TSC2: variants seen among roughly 807,000 people sequenced by gnomAD.
TSC2 encodes the protein tuberin.
In TSC2, 29 loss-of-function variants were observed where a neutral mutation model predicts 202.2. That is an observed-to-expected ratio of 0.14 (90% CI 0.11 to 0.20). The LOEUF (loss-of-function observed/expected upper bound fraction) is 0.20. Ranked by LOEUF, TSC2 falls within the 10% of genes least tolerant of loss-of-function variation. TSC2 has a pLI of 1.00. For missense variants in TSC2, 2,429 were observed against 2,420.0 expected, an observed-to-expected ratio of 1.00 and a Z score of -0.08; for synonymous variants, 1,349 against 1,044.0, an observed-to-expected ratio of 1.29 and a Z score of -5.63.
intron 16 of TSC2, among the ~76,000 whole-genome samples, chr16:2,068,157 A>G (rs1303147407): frequency 6.6e-6 from 1 of 152,182 alleles, no homozygotes; most frequent in Non-Finnish European, 1.5e-5. Context: ...CTCTTGCCTC[A>G]GCCTCCTGAG....
chr16:2,079,783 C>A lies in TSC2; in HGVS notation c.3397+114C>A. ...GGGGCCGGGGTGGCTGGCTTCAGGC[C>A]CGGCCCACGTCCTGACTCTGGGGTG... On this transcript the variant is annotated intron_variant, in intron 29 of 41. Coordinates refer to ENST00000219476, the MANE Select transcript of TSC2 (RefSeq NM_000548.5). This position sits in a 1 kb window ranked among gnomAD's most constrained non-coding sequence, Gnocchi z 4.6. The A allele has an allele frequency of 9.4e-7, 1 of 1,063,780 alleles. No individual in the cohort carries two copies. The highest frequency in any genetic ancestry group is 2.6e-5 in the East Asian group (1 of 38,556). 65.9% of individuals were successfully genotyped at this position (1,063,780 alleles called of 1,614,324 possible). A position where few individuals can be genotyped will look rare whatever the true frequency, so the allele number is the denominator to read the frequency against.
chr16:2,086,391 C>T lies in TSC2; in HGVS notation c.4849+12C>T, dbSNP rs45517373. On this transcript the variant is annotated intron_variant, in intron 37 of 41. Coordinates refer to ENST00000219476, the MANE Select transcript of TSC2 (RefSeq NM_000548.5). Reference sequence around the variant, plus strand: ...TGACATCATGCAAGGTACGGCCTGGCGCCTACCCGCTCCTGCTGCCCCAGG... The same window carrying T: ...TGACATCATGCAAGGTACGGCCTGGTGCCTACCCGCTCCTGCTGCCCCAGG... The T allele has an allele frequency of 5.9e-5, 95 of 1,610,374 alleles. No individual in the cohort carries two copies. The Middle Eastern group carries it at 2.0e-3, about 33-fold the overall frequency.
chr16:2,082,615 C>T (rs1179492323), intron 32 of TSC2, 111 bp downstream of exon 32: 12 of 1,267,132 alleles, frequency 9.5e-6, no homozygotes, highest in Admixed American at 1.7e-5. Flanking sequence ...CTCCATTGCC[C>T]TGGGGAGCAG....
chr16:2,054,277 C>T lies in TSC2; in HGVS notation c.337-19C>T, dbSNP rs1450147983. ...GCGACGCTGGCAGGCTCTGCTGATCCTGTGGCTTTTGTCTTTAGGGCGAGC... is the reference window on the plus strand; with the variant it reads ...GCGACGCTGGCAGGCTCTGCTGATCTTGTGGCTTTTGTCTTTAGGGCGAGC... On this transcript the variant is annotated intron_variant, in intron 4 of 41. Transcript: ENST00000219476. 2 of 1,614,152 alleles carry T rather than the reference C, an allele frequency of 1.2e-6. No homozygotes were observed. Among genetic ancestry groups the T allele is most frequent in the South Asian group, 1.1e-5 (1 of 91,086 alleles).
intron 17 of TSC2, among the ~76,000 whole-genome samples, chr16:2,070,879 A>C (rs1221438326): frequency 6.6e-6 from 1 of 152,192 alleles, no homozygotes; most frequent in East Asian, 1.9e-4. Flanking sequence ...GTGCTGCAGA[A>C]TCTGTGAAGG....
intron 39 of TSC2, 49 bp downstream of exon 39, chr16:2,087,990 G>T: frequency 6.2e-7 from 1 of 1,612,810 alleles, no homozygotes; most frequent in Non-Finnish European, 8.5e-7. Flanking sequence ...GGCCGGGTGG[G>T]GCCCTGCAGT....
intron 6 of TSC2, 80 bp from the exon 7 acceptor site, chr16:2,056,116 A>T: frequency 6.3e-7 from 1 of 1,586,266 alleles, no homozygotes; most frequent in Non-Finnish European, 8.6e-7. Context: ...TATTGACGTC[A>T]TAGAGTGACT....
In TSC2 at chr16:2,065,544, C is replaced by A. The variant is rs764191178; in HGVS notation, c.1625C>A (p.Pro542His). ...GTGATGGCCCGCTCCCTCTCCCCAC[C>A]CCCGGAGCTGGAAGAAAGGGATGTG... ...EKVMARSLSP[P>H]PELEERDVAA... The change falls in exon 16 of 42, where the codon CCC (proline) becomes CAC (histidine). Residue 542 changes from proline to histidine, a missense_variant. By Grantham distance (77) the Pro-to-His change is moderately conservative (BLOSUM62 -2). Coordinates refer to ENST00000219476, the MANE Select transcript of TSC2 (RefSeq NM_000548.5). 3 of 1,613,692 alleles carry A rather than the reference C, an allele frequency of 1.9e-6. No homozygotes were observed. The highest frequency in any genetic ancestry group is 2.5e-6 in the Non-Finnish European group (3 of 1,180,004).
In TSC2 at chr16:2,071,847, T is replaced by TGGCCCGGCGCCTGCA. The variant is rs1430327271; in HGVS notation, c.2016_2030dup (p.Pro674_Ala678dup). The TGGCCCGGCGCCTGCA allele has an allele frequency of 1.3e-6, 2 of 1,560,390 alleles. No individual in the cohort carries two copies. Among genetic ancestry groups the TGGCCCGGCGCCTGCA allele is most frequent in the South Asian group, 1.2e-5 (1 of 85,310 alleles). On this transcript the variant is annotated inframe_insertion, in exon 19 of 42. Coordinates refer to ENST00000219476, the MANE Select transcript of TSC2 (RefSeq NM_000548.5). ...CCCTTTCTCCTCCCACAGGGCCTCC[T>TGGCCCGGCGCCTGCA]GGCCCGGCGCCTGCAGGCCCCGCCG...
intron 16 of TSC2, among the ~76,000 whole-genome samples, chr16:2,068,236 C>T (rs1171830588): frequency 6.6e-6 from 1 of 152,176 alleles, no homozygotes; most frequent in Non-Finnish European, 1.5e-5. Context: ...GACATGGTTT[C>T]ACCATGTTGG....
chr16:2,077,726 G>A lies in TSC2; in HGVS notation c.2966G>A (p.Ser989Asn). The change falls in exon 26 of 42, where the codon AGC becomes AAC. Residue 989 changes from serine to asparagine, a missense_variant and splice_region_variant. Coordinates refer to ENST00000219476, the MANE Select transcript of TSC2 (RefSeq NM_000548.5). ...SISVSEHVVRSRIQTSLTSAS... is the reference protein window; with the variant it reads ...SISVSEHVVRNRIQTSLTSAS... Reference sequence around the variant, plus strand: ...AGTGTGTCTGAACATGTGGTCCGCAGGTAGCGGGACTGTCGGGTGGGGGGC... The same window carrying A: ...AGTGTGTCTGAACATGTGGTCCGCAAGTAGCGGGACTGTCGGGTGGGGGGC... 6.2e-7 allele frequency: 1 copy of A among 1,612,522 alleles called. No individual in the cohort carries two copies. Among genetic ancestry groups the A allele is most frequent in the African/African-American group, 1.3e-5 (1 of 75,068 alleles).
At chr16:2,060,571 G>A (rs1161185605) in intron 10 of TSC2, 99 bp from the exon 11 acceptor site, 25 of 1,597,760 alleles carry the variant, frequency 1.6e-5, no homozygotes, top group African/African-American at 5.4e-5. Context: ...GGCACTGCGC[G>A]CTCAGGCGTG....
Position 2,084,543 on chromosome 16 carries a change from C to T in TSC2, c.4321C>T (p.Pro1441Ser), listed in dbSNP as rs201710642. The change falls in exon 34 of 42, where the codon CCC becomes TCC. Residue 1441 changes from proline to serine, a missense_variant. By Grantham distance (74) the Pro-to-Ser change is moderately conservative. Coordinates refer to ENST00000219476, the MANE Select transcript of TSC2 (RefSeq NM_000548.5). ...SASGEDSRGQ[P>S]EGPLPSSSPR... The stretch of plus-strand genomic sequence containing the variant: ...CTCGGGCGAAGACAGTCGGGGCCAG[C>T]CCGAGGGTCCCTTGCCTTCCAGCTC... 1.2e-6 allele frequency: 2 copies of T among 1,608,952 alleles called. No homozygotes were observed. The highest frequency in any genetic ancestry group is 8.5e-7 in the Non-Finnish European group (1 of 1,179,314).
At chr16:2,082,593 T>A (rs1047273079) in intron 32 of TSC2, 89 bp downstream of exon 32, 1 of 1,430,656 alleles carries the variant, frequency 7.0e-7, no homozygotes, top group Admixed American at 1.7e-5. Flanking sequence ...CCCACCCCCA[T>A]GGTCCGTCTG....
intron 7 of TSC2, 129 bp downstream of exon 7, chr16:2,056,373 G>T: frequency 7.5e-7 from 1 of 1,327,156 alleles, no homozygotes; most frequent in Non-Finnish European, 1.1e-6. Flanking sequence ...GTCTCTCTGA[G>T]CCTCAGGAGT....
In TSC2 at chr16:2,088,899, A is replaced by ACAGT; in HGVS notation, c.*289_*290insCAGT. On this transcript the variant is annotated 3_prime_UTR_variant, in exon 42 of 42. Coordinates refer to ENST00000219476, the MANE Select transcript of TSC2 (RefSeq NM_000548.5). ...CGCGCGCGCACACACACACACACAC[A>ACAGT]GTCACCTTCCTCCACCCTGGGAGCC... 1 of 420,762 alleles carries ACAGT rather than the reference A, an allele frequency of 2.4e-6. No individual in the cohort carries two copies. Among genetic ancestry groups the ACAGT allele is most frequent in the Non-Finnish European group, 4.4e-6 (1 of 227,980 alleles). The allele number at this position is 420,762 out of a possible 1,614,324, so 26.1% of individuals were successfully genotyped here. A position where few individuals can be genotyped will look rare whatever the true frequency, so the allele number is the denominator to read the frequency against.
intron 23 of TSC2, 35 bp from the exon 24 acceptor site, chr16:2,076,033 G>A (rs1722032927): frequency 6.2e-7 from 1 of 1,613,630 alleles, no homozygotes; most frequent in South Asian, 1.1e-5. Context: ...TTTCCCTGCT[G>A]CCAGGATGGA....
intron 30 of TSC2, 41 bp downstream of exon 30, chr16:2,080,418 T>G: frequency 6.2e-7 from 1 of 1,604,808 alleles, no homozygotes; most frequent in Non-Finnish European, 8.5e-7. Flanking sequence ...TTTCTGCCAG[T>G]CACCCACAGA....
At chr16:2,056,894 G>T in intron 8 of TSC2, 125 bp downstream of exon 8, 1 of 1,514,386 alleles carries the variant, frequency 6.6e-7, no homozygotes, top group African/African-American at 1.4e-5. Context: ...TTGAGGGACG[G>T]CCAGTGTCAT....
Sources: allele counts gnomAD v4.1 joint callset (sites outside exome capture counted in the v4.1 genomes callset), GRCh38; gene constraint gnomAD v4.1.1; non-coding constraint Gnocchi (gnomAD v3.1); transcripts MANE v1.5; gene names NCBI Gene and HGNC (gene_info 2026-07-23, HGNC 2026-07-21).